Variants in NCOA1 observed in about 807,000 individuals in gnomAD.
NCOA1 encodes the protein nuclear receptor coactivator 1, also known as Hin-2 protein.
In NCOA1, 35 loss-of-function variants were observed where a neutral mutation model predicts 150.9. The observed-to-expected ratio is 0.23, with a 90% CI of 0.18 to 0.31. NCOA1 has a LOEUF of 0.31. NCOA1 is among the 10% of genes least tolerant of loss of function. The pLI, the probability that NCOA1 is intolerant of heterozygous loss-of-function variation, is 1.00. For missense variants in NCOA1, 1,491 were observed against 1,749.3 expected, an observed-to-expected ratio of 0.85 and a Z score of 2.63; for synonymous variants, 590 against 630.0, an observed-to-expected ratio of 0.94 and a Z score of 0.95.
At chr2:24,517,015 C>T (rs1276068034) in intron 1 of NCOA1, among the ~76,000 whole-genome samples, 4 of 108,972 alleles carry the variant, frequency 3.7e-5, no homozygotes, top group African/African-American at 1.3e-4. Flanking sequence ...CACACACACA[C>T]ACACACACAC....
At chr2:24,524,070 T>C (rs1350279815) in intron 1 of NCOA1, among the ~76,000 whole-genome samples, 1 of 151,968 alleles carries the variant, frequency 6.6e-6, no homozygotes, top group African/African-American at 2.4e-5. Flanking sequence ...TGACAAATGA[T>C]AAACTTTGCA....
At chr2:24,726,311 A>G (rs1674619140) in intron 14 of NCOA1, among the ~76,000 whole-genome samples, 2 of 152,196 alleles carry the variant, frequency 1.3e-5, no homozygotes, top group African/African-American at 4.8e-5. Flanking sequence ...AAGATAAATA[A>G]TTTCTGACAA....
At chr2:24,634,547 C>G (rs1669848801) in intron 3 of NCOA1, among the ~76,000 whole-genome samples, 2 of 152,118 alleles carry the variant, frequency 1.3e-5, no homozygotes, top group Admixed American at 6.6e-5. Flanking sequence ...CGCCAGAATC[C>G]AGCATCAGAA....
intron 7 of NCOA1, among the ~76,000 whole-genome samples, chr2:24,674,228 C>T (rs190263148): frequency 7.7e-4 from 110 of 143,200 alleles, no homozygotes; most frequent in Admixed American, 3.7e-3. Context: ...TTTTTTGAGA[C>T]GGAGTCTCGC....
At chr2:24,763,346 T>C (rs1387265526) in intron 22 of NCOA1, among the ~76,000 whole-genome samples, 1 of 151,800 alleles carries the variant, frequency 6.6e-6, no homozygotes, top group Non-Finnish European at 1.5e-5. Context: ...AAGACCATCC[T>C]GGCTAACATG....
chr2:24,549,531 C>T (rs1054330194), intron 1 of NCOA1, among the ~76,000 whole-genome samples: 4 of 152,138 alleles, frequency 2.6e-5, no homozygotes, highest in Non-Finnish European at 5.9e-5. Context: ...TTCTCTATCA[C>T]ATTGTCAGGC....
rs74942882 is a variant in NCOA1 at position 24,639,944 on chromosome 2, A to G, written c.-174-4022A>G. The stretch of plus-strand genomic sequence containing the variant: ...TATATATATATATATATATATATAT[A>G]TATATATATATATATATATATATAT... On this transcript the variant is annotated intron_variant, in intron 3 of 22. Coordinates refer to ENST00000348332, the MANE Select transcript of NCOA1 (RefSeq NM_003743.5). 3.0e-3 allele frequency among the ~76,000 whole-genome samples: 102 copies of G among 33,522 alleles called. 10 individuals carry two copies. The highest frequency in any genetic ancestry group is 0.011 in the East Asian group (11 of 1,006). The allele number at this position is 33,522 out of a possible 152,430, so 22.0% of individuals were successfully genotyped here.
At chr2:24,546,751 C>T (rs753070204) in intron 1 of NCOA1, among the ~76,000 whole-genome samples, 3 of 152,134 alleles carry the variant, frequency 2.0e-5, no homozygotes, top group Non-Finnish European at 2.9e-5. Flanking sequence ...TGTGTGGCAT[C>T]GGTTGGGATC....
In NCOA1 at chr2:24,711,077, G is replaced by T; in HGVS notation, c.2565G>T (p.Gln855His). ...CGGAGATCCTGCCAGCTTCACTTCAGTCCGCCACTGCCAGACCCACTTCCA... is the reference window on the plus strand; with the variant it reads ...CGGAGATCCTGCCAGCTTCACTTCATTCCGCCACTGCCAGACCCACTTCCA... The part of the protein sequence containing the change: ...IKSEILPASL[Q>H]SATARPTSRL... The change falls in exon 14 of 23, where the codon CAG (glutamine) becomes CAT (histidine). Residue 855 changes from glutamine to histidine, a missense_variant. Physicochemically the swap from Gln to His is conservative, Grantham distance 24. Transcript: ENST00000348332. 1 of 1,614,094 alleles carries T rather than the reference G, an allele frequency of 6.2e-7. No homozygotes were observed. The highest frequency in any genetic ancestry group is 1.1e-5 in the South Asian group (1 of 91,066).
intron 7 of NCOA1, among the ~76,000 whole-genome samples, chr2:24,674,423 G>A (rs1473083766): frequency 2.6e-5 from 4 of 152,048 alleles, no homozygotes; most frequent in African/African-American, 9.7e-5. Context: ...AGCCAGGATG[G>A]TCTCGATCTC....
At chr2:24,695,853 C>T (rs963363421) in intron 10 of NCOA1, among the ~76,000 whole-genome samples, 2 of 152,028 alleles carry the variant, frequency 1.3e-5, no homozygotes, top group Non-Finnish European at 2.9e-5. Context: ...CCTGCCAGTC[C>T]CCAAACTCTA....
chr2:24,544,282 G>C (rs1399648844), intron 1 of NCOA1, among the ~76,000 whole-genome samples: 2 of 152,264 alleles, frequency 1.3e-5, no homozygotes, highest in South Asian at 2.1e-4. Context: ...CTGGTAGTTG[G>C]ATAAGTGGGT....
chr2:24,621,825 AG>A (rs927003915), intron 3 of NCOA1, among the ~76,000 whole-genome samples: 1 of 152,126 alleles, frequency 6.6e-6, no homozygotes, highest in African/African-American at 2.4e-5. Context: ...GAATCCCTGT[AG>A]GTCTAATTTG....
At chr2:24,629,174 T>C (rs1262489752) in intron 3 of NCOA1, among the ~76,000 whole-genome samples, 1 of 152,128 alleles carries the variant, frequency 6.6e-6, no homozygotes, top group Non-Finnish European at 1.5e-5. Flanking sequence ...GCCCTTAGAA[T>C]AGAGCATTAA....
chr2:24,593,103 A>G (rs1667727474), intron 3 of NCOA1, among the ~76,000 whole-genome samples: 1 of 152,142 alleles, frequency 6.6e-6, no homozygotes, highest in South Asian at 2.1e-4. Flanking sequence ...CCAGGAGTTT[A>G]TTTGTCAGGA....
intron 1 of NCOA1, among the ~76,000 whole-genome samples, chr2:24,492,613 C>G (rs540353392): frequency 6.6e-6 from 1 of 152,170 alleles, no homozygotes; most frequent in African/African-American, 2.4e-5. Flanking sequence ...GCCTCTCATG[C>G]TTGGCCCTCC....
chr2:24,623,416 C>T (rs1422618083), intron 3 of NCOA1, among the ~76,000 whole-genome samples: 1 of 152,160 alleles, frequency 6.6e-6, no homozygotes, highest in Non-Finnish European at 1.5e-5. Context: ...AATTTATCTT[C>T]TTCACTGTTC....
intron 20 of NCOA1, 126 bp downstream of exon 20, chr2:24,752,282 C>A: frequency 9.5e-7 from 1 of 1,054,156 alleles, no homozygotes; most frequent in Non-Finnish European, 1.3e-6. Flanking sequence ...ACACAAAAGG[C>A]CACATATGGC....
chr2:24,565,617 G>A (rs542670352), intron 2 of NCOA1, among the ~76,000 whole-genome samples: 130 of 152,334 alleles, frequency 8.5e-4, no homozygotes, highest in Middle Eastern at 3.4e-3. Context: ...GGCTGGTGGC[G>A]CCTTTGCCTG....
Sources: gnomAD v4.1 joint callset for allele counts (sites outside exome capture counted in the v4.1 genomes callset) on GRCh38, gnomAD v4.1.1 for gene constraint, MANE v1.5 for transcripts, NCBI Gene and HGNC (gene_info 2026-07-23, HGNC 2026-07-21) for gene names.